The following PRKCE variants were observed in gnomAD, a reference collection of about 807,000 sequenced individuals.
PRKCE encodes the protein protein kinase C epsilon.
PRKCE carries 16 observed loss-of-function variants against 85.4 expected under a neutral mutation model. The ratio of observed to expected loss-of-function variants is 0.19; its 90% confidence interval spans 0.13 to 0.28. The LOEUF (loss-of-function observed/expected upper bound fraction) is 0.28, where lower values mean the gene tolerates loss of function less well. Ranked by LOEUF, PRKCE falls within the 10% of genes least tolerant of loss-of-function variation. The pLI is 1.00. For synonymous variants in PRKCE, 388 were observed against 371.5 expected (o/e 1.04, Z -0.51); for missense variants, 573 against 975.2 (o/e 0.59, Z 5.49).
At chr2:46,102,692 G>C (rs1325648399) in intron 11 of PRKCE, among the ~76,000 whole-genome samples, 1 of 152,116 alleles carries the variant, frequency 6.6e-6, no homozygotes, top group African/African-American at 2.4e-5. Flanking sequence ...CACTATTTGA[G>C]GAATAGTGGT....
intron 2 of PRKCE, among the ~76,000 whole-genome samples, chr2:45,940,386 T>G (rs1263718968): frequency 6.6e-6 from 1 of 152,224 alleles, no homozygotes; most frequent in East Asian, 1.9e-4. Flanking sequence ...AGCAAGAACA[T>G]GATTTAGCTT....
At chr2:45,997,037 G>A (rs1036779598) in intron 6 of PRKCE, among the ~76,000 whole-genome samples, 3 of 152,150 alleles carry the variant, frequency 2.0e-5, no homozygotes, top group African/African-American at 4.8e-5. Flanking sequence ...TCTTATGTAA[G>A]TTGTGGCAGA....
chr2:46,161,929 G>A (rs1158231645), intron 14 of PRKCE, among the ~76,000 whole-genome samples: 1 of 152,144 alleles, frequency 6.6e-6, no homozygotes, highest in African/African-American at 2.4e-5. Flanking sequence ...CACATGGCAG[G>A]AAGGGTATGA....
At chr2:45,949,897 T>TA (rs1439437017) in intron 2 of PRKCE, among the ~76,000 whole-genome samples, 1 of 151,734 alleles carries the variant, frequency 6.6e-6, no homozygotes, top group African/African-American at 2.4e-5. Context: ...TTTTTTTTTT[T>TA]AAAGAAAACT....
chr2:46,101,860 A>C (rs1671265846), intron 11 of PRKCE, among the ~76,000 whole-genome samples: 1 of 9,176 alleles, frequency 1.1e-4, no homozygotes, highest in South Asian at 3.8e-3. Context: ...ACTGGCTTTC[A>C]AAAAAAAAAA....
At chr2:45,898,930 G>A (rs768150173) in intron 2 of PRKCE, among the ~76,000 whole-genome samples, 33 of 152,232 alleles carry the variant, frequency 2.2e-4, no homozygotes, top group Non-Finnish European at 4.7e-4. Context: ...AGGGTGGAAT[G>A]TCCCAAAAAG....
At chr2:46,005,580 G>A (rs1705115921) in intron 8 of PRKCE, among the ~76,000 whole-genome samples, 1 of 152,164 alleles carries the variant, frequency 6.6e-6, no homozygotes. Flanking sequence ...AGATAAGTCA[G>A]TGGTAAGGGC....
intron 1 of PRKCE, among the ~76,000 whole-genome samples, chr2:45,678,374 G>C (rs1676634585): frequency 6.6e-6 from 1 of 152,172 alleles, no homozygotes; most frequent in Non-Finnish European, 1.5e-5. Flanking sequence ...GGTAACATTA[G>C]TGAGGGATCA....
rs555348881 is a variant in PRKCE, at chr2:46,147,608, A to G, written c.1731+2377A>G. Among the ~76,000 whole-genome samples the G allele has an allele frequency of 3.0e-4, 45 of 152,330 alleles. No individual in the cohort carries two copies. The East Asian group carries it at 4.4e-3, about 15-fold the overall frequency. ...GTGCAGAAACATCTCTGCACTGGCA[A>G]TGACAATCCCTGGTCTTGCTGTAGG... On this transcript the variant is annotated intron_variant, in intron 12 of 14. Transcript: ENST00000306156.
chr2:46,025,905 C>T (rs1330306345), intron 10 of PRKCE, among the ~76,000 whole-genome samples: 1 of 152,182 alleles, frequency 6.6e-6, no homozygotes. Context: ...ACTGACCCAT[C>T]ACTATGGGAA....
In PRKCE at chr2:45,920,671, C is replaced by T. The variant is rs1409141790; in HGVS notation, c.413-55758C>T. Among the ~76,000 whole-genome samples, 4 of 151,988 alleles carry T rather than the reference C, an allele frequency of 2.6e-5. No individual in the cohort carries two copies. In the South Asian group the frequency reaches 6.2e-4, roughly 24 times the overall value. ...TATGATTGCACTCATATGAAATGTC[C>T]AGAACAGGGAAATCCATGGAGACAG... On this transcript the variant is annotated intron_variant, in intron 2 of 14. Coordinates refer to ENST00000306156, the MANE Select transcript of PRKCE (RefSeq NM_005400.3).
intron 1 of PRKCE, among the ~76,000 whole-genome samples, chr2:45,661,523 G>GAT (rs1553371756): frequency 2.1e-5 from 2 of 96,656 alleles, no homozygotes; most frequent in South Asian, 3.5e-4. Context: ...TTTGTTTTTT[G>GAT]TTTTTTGTTT....
chr2:45,892,106 C>T (rs1269578920), intron 2 of PRKCE, among the ~76,000 whole-genome samples: 1 of 152,240 alleles, frequency 6.6e-6, no homozygotes, highest in Non-Finnish European at 1.5e-5. Flanking sequence ...TGCCCTGTAC[C>T]TTACCATCTC....
At chr2:45,952,084 C>T (rs772643504) in intron 2 of PRKCE, among the ~76,000 whole-genome samples, 17 of 152,244 alleles carry the variant, frequency 1.1e-4, no homozygotes, top group Non-Finnish European at 2.2e-4. Context: ...CTACCCGCCT[C>T]GGCCTCCCAA....
At chr2:46,074,917 C>G (rs1264696587) in intron 10 of PRKCE, among the ~76,000 whole-genome samples, 1 of 152,152 alleles carries the variant, frequency 6.6e-6, no homozygotes, top group Non-Finnish European at 1.5e-5. Context: ...TACACCAGAT[C>G]GTGGGGAATC....
At chr2:45,929,664 G>C (rs996247472) in intron 2 of PRKCE, among the ~76,000 whole-genome samples, 1 of 152,082 alleles carries the variant, frequency 6.6e-6, no homozygotes, top group African/African-American at 2.4e-5. Flanking sequence ...TTACCATTGG[G>C]AATTTTTGTA....
chr2:45,722,735 T>G (rs999714852), intron 1 of PRKCE, among the ~76,000 whole-genome samples: 9 of 152,192 alleles, frequency 5.9e-5, no homozygotes, highest in African/African-American at 2.2e-4. Context: ...TAATCTCACC[T>G]TGTATATGTA....
Position 46,004,712 on chromosome 2 carries a change from T to A in PRKCE, c.1063+74T>A. ...GGACCAAGGAGCTCTGAGGCCTCTT[T>A]AACCAAGAGTGAGCTTGTTAGCTGA... On this transcript the variant is annotated intron_variant, in intron 8 of 14. Coordinates refer to ENST00000306156, the MANE Select transcript of PRKCE (RefSeq NM_005400.3). This position sits in a 1 kb window ranked among gnomAD's most constrained non-coding sequence, Gnocchi z 4.1. 7.9e-7 allele frequency: 1 copy of A among 1,269,356 alleles called. No homozygotes were observed. Among genetic ancestry groups the A allele is most frequent in the Non-Finnish European group, 1.1e-6 (1 of 905,186 alleles). The allele number at this position is 1,269,356 out of a possible 1,614,324, so 78.6% of individuals were successfully genotyped here. A position where few individuals can be genotyped will look rare whatever the true frequency, so the allele number is the denominator to read the frequency against.
At chr2:45,917,734 G>T (rs1462896342) in intron 2 of PRKCE, among the ~76,000 whole-genome samples, 5 of 152,324 alleles carry the variant, frequency 3.3e-5, no homozygotes, top group African/African-American at 1.2e-4. Flanking sequence ...GGCGCTCGTC[G>T]GGGAGGCTCC....
Sources: allele counts gnomAD v4.1 joint callset (sites outside exome capture counted in the v4.1 genomes callset), GRCh38; gene constraint gnomAD v4.1.1; non-coding constraint Gnocchi (gnomAD v3.1); transcripts MANE v1.5; gene names NCBI Gene and HGNC (gene_info 2026-07-23, HGNC 2026-07-21).